SLC6A12: variants seen among roughly 807,000 people sequenced by gnomAD.
The protein encoded by SLC6A12 is sodium- and chloride-dependent betaine transporter.
SLC6A12 carries 50 observed loss-of-function variants against 73.3 expected under a neutral mutation model. The observed-to-expected ratio is 0.68, with a 90% CI of 0.54 to 0.86. The LOEUF (loss-of-function observed/expected upper bound fraction) is 0.86, where lower values mean the gene tolerates loss of function less well. Among genes scored for constraint, SLC6A12 ranks in the 40% least tolerant of loss-of-function variants. SLC6A12 has a pLI of 0.00. For missense variants in SLC6A12, 648 were observed against 772.8 expected (o/e 0.84, Z 1.92); for synonymous variants, 304 against 309.2 (o/e 0.98, Z 0.18).
chr12:195,125 A>G (rs1265024839), intron 13 of SLC6A12, 100 bp downstream of exon 13: 1 of 752,864 alleles, frequency 1.3e-6, no homozygotes, highest in Non-Finnish European at 2.4e-6. Context: ...CACAGAAACC[A>G]GGGGACCAGA....
In SLC6A12 at chr12:196,196, G is replaced by A. The variant is rs147169594; in HGVS notation, c.1254C>T (p.Ser418=). The change falls in exon 12 of 16, where the codon AGC becomes AGT. Residue 418 remains serine, a synonymous_variant. Transcript: ENST00000684302. ...IDMFPRQLRK[S]GRRELLILTI... ...TGAGGATGAGGAGCTCGCGCCGCCC[G>A]CTCTTCCGGAGCTGCCTGGGGAACA... The A allele has an allele frequency of 3.6e-4, 567 of 1,590,282 alleles. No homozygotes were observed. The African/African-American group carries it at 5.4e-3, about 15-fold the overall frequency.
rs374234039 is a variant in SLC6A12, at chr12:195,325, G to C, written c.1329C>G (p.Gly443=). The change falls in exon 13 of 16, where the codon GGC becomes GGG. Residue 443 remains glycine (G), a splice_region_variant and synonymous_variant. Coordinates refer to ENST00000684302, the MANE Select transcript of SLC6A12 (RefSeq NM_001122848.3). ...CAAACAGCTGGAAGATGTACATCCC[G>C]CCCTGTGGGGAGAGCGTGGAGCTGG... ...YLIGLFLVTE[G]GMYIFQLFDY... is the part of the protein sequence containing the mutation. The C allele has an allele frequency of 8.1e-5, 130 of 1,598,018 alleles. No individual in the cohort carries two copies. The highest frequency in any genetic ancestry group is 1.1e-4 in the Non-Finnish European group (127 of 1,165,338).
downstream of SLC6A12, among the ~76,000 whole-genome samples, chr12:187,242 T>G (rs1395820986): frequency 1.3e-5 from 2 of 152,170 alleles, no homozygotes; most frequent in Non-Finnish European, 2.9e-5. Flanking sequence ...AAGTGGGTTC[T>G]TGGTCTCACT....
Position 197,880 on chromosome 12 carries a change from C to G in SLC6A12, c.950+20G>C. Reference sequence around the variant, plus strand: ...GGCCCCAACCCTCCTTCACCCCACCCCGGCCCACGCTGTTCTCACTTGTAG... The same window carrying G: ...GGCCCCAACCCTCCTTCACCCCACCGCGGCCCACGCTGTTCTCACTTGTAG... On this transcript the variant is annotated intron_variant, in intron 9 of 15. Transcript: ENST00000684302. The G allele has an allele frequency of 6.5e-7, 1 of 1,536,282 alleles. No individual in the cohort carries two copies. The highest frequency in any genetic ancestry group is 1.4e-5 in the African/African-American group (1 of 72,860).
chr12:207,129 A>G (rs935607523), intron 3 of SLC6A12, among the ~76,000 whole-genome samples: 2 of 152,218 alleles, frequency 1.3e-5, no homozygotes, highest in Non-Finnish European at 2.9e-5. Flanking sequence ...GAACGCTGAC[A>G]CTGCTACACC....
intron 12 of SLC6A12, 54 bp from the exon 13 acceptor site, chr12:195,381 C>A: frequency 8.5e-7 from 1 of 1,182,444 alleles, no homozygotes; most frequent in South Asian, 1.2e-5. Context: ...GGGACACACT[C>A]CAGCCCTCAG....
In SLC6A12 at chr12:192,478, C is replaced by G; in HGVS notation, c.1701G>C (p.Lys567Asn). ...TLLKTRGPFR[K>N]RLRQLITPDS... ...GGTCACTCTCCCCTACACCACCTAC[C>G]TTCCTGAAAGGACCCCGAGTCTTCA... Residue 567 changes from lysine to asparagine, a missense_variant and splice_region_variant, in exon 15 of 16, where the codon AAG becomes AAC. Lys to Asn is a moderately conservative substitution (Grantham distance 94). Transcript: ENST00000684302. 6.2e-7 allele frequency: 1 copy of G among 1,613,904 alleles called. No individual in the cohort carries two copies. Among genetic ancestry groups the G allele is most frequent in the Non-Finnish European group, 8.5e-7 (1 of 1,179,884 alleles).
At chr12:187,560 G>A (rs1248263602), downstream of SLC6A12, among the ~76,000 whole-genome samples, 2 of 120,752 alleles carry the variant, frequency 1.7e-5, no homozygotes, top group Non-Finnish European at 3.3e-5. Context: ...CCCAAACAGT[G>A]AGCAGCAGCA....
intron 10 of SLC6A12, among the ~76,000 whole-genome samples, chr12:197,085 C>T (rs1939909264): frequency 1.2e-4 from 2 of 17,366 alleles, no homozygotes; most frequent in African/African-American, 2.2e-4. Context: ...ATCCATCCAT[C>T]CATCCATCCA....
Position 197,982 on chromosome 12 carries a change from G to T in SLC6A12, c.868C>A (p.Gln290Lys). 6.2e-7 allele frequency: 1 copy of T among 1,613,290 alleles called. No homozygotes were observed. The highest frequency in any genetic ancestry group is 8.5e-7 in the Non-Finnish European group (1 of 1,179,720). ...CAGATGGCAAAGGAGAAGAAGATCT[G>T]GGTGCCCGCATCCATCCACACCTAC... ...DPQVWMDAGTQIFFSFAICQG... is the reference protein window; with the variant it reads ...DPQVWMDAGTKIFFSFAICQG... Residue 290 changes from glutamine to lysine, a missense_variant, in exon 9 of 16, where the codon CAG (glutamine) becomes AAG (lysine). Transcript: ENST00000684302.
chr12:196,921 G>A lies in SLC6A12; in HGVS notation c.1076-39C>T, dbSNP rs145721574. 465 of 1,452,766 alleles carry A rather than the reference G, an allele frequency of 3.2e-4. 2 individuals are homozygous for A. The East Asian group carries it at 7.3e-3, about 23-fold the overall frequency. The allele number at this position is 1,452,766 out of a possible 1,614,324, so 90.0% of individuals were successfully genotyped here. ...AGCACAGTCAGGGAGGCTCCAGGGC[G>A]TGTGCTGCCCTTGGGGAAGAGGCGT... On this transcript the variant is annotated intron_variant, in intron 10 of 15. Transcript: ENST00000684302.
At chr12:207,742 G>A (rs908662653) in intron 3 of SLC6A12, among the ~76,000 whole-genome samples, 5 of 152,166 alleles carry the variant, frequency 3.3e-5, no homozygotes, top group Admixed American at 2.0e-4. Context: ...TTGGAAATGA[G>A]AAAATGAATT....
chr12:194,871 C>T (rs1209397860), intron 13 of SLC6A12, among the ~76,000 whole-genome samples: 1 of 152,154 alleles, frequency 6.6e-6, no homozygotes, highest in Non-Finnish European at 1.5e-5. Context: ...TGGGAGTTTG[C>T]GGAGGATCGG....
chr12:212,378 G>A (rs1940938896), intron 1 of SLC6A12, among the ~76,000 whole-genome samples: 1 of 152,164 alleles, frequency 6.6e-6, no homozygotes. Flanking sequence ...GTAAATGAAG[G>A]GAAAGCCGGA....
chr12:207,244 G>A (rs1181740163), intron 3 of SLC6A12, among the ~76,000 whole-genome samples: 7 of 152,228 alleles, frequency 4.6e-5, no homozygotes, highest in Admixed American at 2.6e-4. Context: ...CAGCGATGTC[G>A]CACAGGGACC....
chr12:208,698 A>C (rs913839146), intron 3 of SLC6A12, among the ~76,000 whole-genome samples: 2 of 151,982 alleles, frequency 1.3e-5, no homozygotes, highest in Non-Finnish European at 1.5e-5. Context: ...TGGCAGGGAG[A>C]GGGAATGAGG....
At chr12:200,234 G>C (rs1010253788) in intron 7 of SLC6A12, among the ~76,000 whole-genome samples, 2 of 148,740 alleles carry the variant, frequency 1.3e-5, no homozygotes, top group Admixed American at 6.8e-5. Flanking sequence ...TCAGCCTCCT[G>C]CATAGCTGGG....
At chr12:196,326 C>A in intron 11 of SLC6A12, 65 bp from the exon 12 acceptor site, 1 of 1,546,462 alleles carries the variant, frequency 6.5e-7, no homozygotes, top group Non-Finnish European at 8.8e-7. Context: ...CAGCCCTGGC[C>A]TCCACTTCCC....
intron 6 of SLC6A12, chr12:201,212 G>C: frequency 5.3e-6 from 1 of 190,114 alleles, no homozygotes; most frequent in Middle Eastern, 2.3e-3. Flanking sequence ...TCAGGTGTGA[G>C]GGCATTGGTG....
Sources: allele counts gnomAD v4.1 joint callset (sites outside exome capture counted in the v4.1 genomes callset), GRCh38; gene constraint gnomAD v4.1.1; transcripts MANE v1.5; gene names NCBI Gene and HGNC (gene_info 2026-07-23, HGNC 2026-07-21).